Variants in COL4A1 observed in about 807,000 individuals in gnomAD.
COL4A1 encodes the protein collagen alpha-1(IV) chain.
Under a neutral mutation model 216.6 loss-of-function variants are expected in COL4A1, and 40 were observed. That is an observed-to-expected ratio of 0.18 (90% CI 0.14 to 0.24). The LOEUF (loss-of-function observed/expected upper bound fraction) is 0.24. COL4A1 is among the 10% of genes least tolerant of loss of function. The pLI is 1.00. For synonymous variants in COL4A1, 839 were observed against 810.7 expected (o/e 1.03, Z -0.59); for missense variants, 1,628 against 2,196.8 (o/e 0.74, Z 5.18).
intron 31 of COL4A1, 80 bp from the exon 32 acceptor site, chr13:110,178,311 G>C: frequency 3.2e-6 from 5 of 1,580,736 alleles, no homozygotes; most frequent in Non-Finnish European, 4.3e-6. Context: ...GTTTAACTAT[G>C]ACTTTCTGCA....
At chr13:110,197,589 T>C (rs1227658783) in intron 21 of COL4A1, among the ~76,000 whole-genome samples, 1 of 152,198 alleles carries the variant, frequency 6.6e-6, no homozygotes, top group Non-Finnish European at 1.5e-5. Flanking sequence ...ACATGATCTG[T>C]TCTTTCTCCT....
chr13:110,218,726 G>T (rs1340183740), intron 2 of COL4A1, among the ~76,000 whole-genome samples: 1 of 152,194 alleles, frequency 6.6e-6, no homozygotes, highest in Admixed American at 6.5e-5. Context: ...TTCCAGACTG[G>T]CTGGAGTCCG....
In COL4A1 at chr13:110,208,416, A is replaced by G. The variant is rs537081681; in HGVS notation, c.693+433T>C. On this transcript the variant is annotated intron_variant, in intron 12 of 51. Coordinates refer to ENST00000375820, the MANE Select transcript of COL4A1 (RefSeq NM_001845.6). ...GGCCCTGGACATGCCCGCCTCTGAGAAGAGAGGCCGGTGGTGAGGGGCCGC... is the reference window on the plus strand; with the variant it reads ...GGCCCTGGACATGCCCGCCTCTGAGGAGAGAGGCCGGTGGTGAGGGGCCGC... Among the ~76,000 whole-genome samples, 287 of 152,242 alleles carry G rather than the reference A, an allele frequency of 1.9e-3. 2 individuals are homozygous for G. Among genetic ancestry groups the G allele is most frequent in the Admixed American group, 0.017 (261 of 15,290 alleles).
intron 1 of COL4A1, among the ~76,000 whole-genome samples, chr13:110,258,353 T>C (rs778752208): frequency 6.6e-6 from 1 of 151,978 alleles, no homozygotes; most frequent in Non-Finnish European, 1.5e-5. Flanking sequence ...GCCTGGCCAA[T>C]ATGGTAAAAT....
At chr13:110,233,544 G>A (rs933755269) in intron 2 of COL4A1, among the ~76,000 whole-genome samples, 6 of 152,154 alleles carry the variant, frequency 3.9e-5, no homozygotes, top group Non-Finnish European at 8.8e-5. Flanking sequence ...AAGGCTGGCC[G>A]ATGGGAGGGA....
At position 110,288,905 on chromosome 13, in the gene COL4A1, G is replaced by A. The variant is rs1009260787; in HGVS notation, c.84+18039C>T. On this transcript the variant is annotated intron_variant, in intron 1 of 51. Coordinates refer to ENST00000375820, the MANE Select transcript of COL4A1 (RefSeq NM_001845.6). ...AAATTAGCTGGGTGTGGTGGCGCAC[G>A]CCTGTAATCCCAGCTACTCAGGAGG... Among the ~76,000 whole-genome samples, 9 of 152,290 alleles carry A rather than the reference G, an allele frequency of 5.9e-5. No homozygotes were observed. The South Asian group carries it at 1.0e-3, about 18-fold the overall frequency.
chr13:110,276,168 G>A (rs1883420995), intron 1 of COL4A1, among the ~76,000 whole-genome samples: 1 of 152,102 alleles, frequency 6.6e-6, no homozygotes, highest in Non-Finnish European at 1.5e-5. Flanking sequence ...CCGAGAAGAG[G>A]TACGTGGGAA....
At chr13:110,166,538 TA>T (rs1877346695) in intron 44 of COL4A1, among the ~76,000 whole-genome samples, 1 of 152,192 alleles carries the variant, frequency 6.6e-6, no homozygotes, top group Admixed American at 6.5e-5. Flanking sequence ...TATACACATA[TA>T]TGCACACATA....
intron 1 of COL4A1, among the ~76,000 whole-genome samples, chr13:110,259,381 GT>G (rs1305909583): frequency 6.6e-6 from 1 of 152,126 alleles, no homozygotes; most frequent in African/African-American, 2.4e-5. Flanking sequence ...CAAACTGAAA[GT>G]ATTTCATTAA....
chr13:110,259,064 C>T (rs918780560), intron 1 of COL4A1, among the ~76,000 whole-genome samples: 4 of 152,234 alleles, frequency 2.6e-5, no homozygotes, highest in African/African-American at 9.6e-5. Context: ...TGGAGTGAGG[C>T]CCTTGGCTTC....
At chr13:110,158,741 T>C (rs1876917349) in intron 49 of COL4A1, among the ~76,000 whole-genome samples, 1 of 22,046 alleles carries the variant, frequency 4.5e-5, no homozygotes, top group Non-Finnish European at 1.8e-4. Context: ...GAAATAAACT[T>C]TTTTTTTTTT....
At chr13:110,256,041 G>A (rs1882548263) in intron 1 of COL4A1, among the ~76,000 whole-genome samples, 1 of 152,074 alleles carries the variant, frequency 6.6e-6, no homozygotes, top group Non-Finnish European at 1.5e-5. Context: ...AATTTTATGT[G>A]AAGATTTTTA....
intron 44 of COL4A1, 141 bp downstream of exon 44, chr13:110,167,017 G>T: frequency 1.3e-6 from 1 of 777,450 alleles, no homozygotes; most frequent in Non-Finnish European, 2.3e-6. Flanking sequence ...ACACAGAAAT[G>T]CCATTTTTAA....
intron 2 of COL4A1, among the ~76,000 whole-genome samples, chr13:110,224,537 G>A (rs1880649383): frequency 6.6e-6 from 1 of 152,152 alleles, no homozygotes; most frequent in African/African-American, 2.4e-5. Context: ...TGGTCAGGCT[G>A]GTCTTGAACT....
intron 2 of COL4A1, among the ~76,000 whole-genome samples, chr13:110,235,584 G>A (rs906201464): frequency 7.3e-5 from 11 of 151,678 alleles, no homozygotes; most frequent in African/African-American, 1.9e-4. Context: ...CAGTGAACCC[G>A]GGAGGTGGAG....
rs866007873 is a variant in COL4A1 at position 110,179,318 on chromosome 13, G to C, written c.2297C>G (p.Pro766Arg). 1.9e-6 allele frequency: 3 copies of C among 1,613,964 alleles called. No individual in the cohort carries two copies. Among genetic ancestry groups the C allele is most frequent in the Non-Finnish European group, 2.5e-6 (3 of 1,180,036 alleles). Residue 766 changes from proline to arginine, a missense_variant, in exon 30 of 52, where the codon CCT becomes CGT. This residue lies in a region of COL4A1 where 701 missense variants were observed against 892.5 expected (regional missense o/e 0.79). Transcript: ENST00000375820. ...EKGSIGVPGV[P>R]GEHGAIGPPG... ...GGGTCCGATCGCTCCATGTTCTCCA[G>C]GAACGCCTGGTACCCCAATGCTCCC... is the stretch of plus-strand genomic sequence containing the variant.
At position 110,205,586 on chromosome 13, in the gene COL4A1, C is replaced by T. The variant is rs374961297; in HGVS notation, c.859-48G>A. On this transcript the variant is annotated intron_variant, in intron 15 of 51. Transcript: ENST00000375820. ...TTAGTATTTAATAAATAATAGACTG[C>T]GCGCGGTGGCTCATGCCTGTAATCC... The T allele has an allele frequency of 2.5e-4, 394 of 1,599,226 alleles. 3 individuals are homozygous for T. Among genetic ancestry groups the T allele is most frequent in the African/African-American group, 8.5e-4 (63 of 74,384 alleles).
At chr13:110,198,695 C>T (rs1182925707) in intron 20 of COL4A1, 64 bp from the exon 21 acceptor site, 5 of 1,593,322 alleles carry the variant, frequency 3.1e-6, no homozygotes, top group Non-Finnish European at 8.6e-7. Flanking sequence ...AGCATAAACT[C>T]ATTCTCCTAA....
chr13:110,209,967 C>G lies in COL4A1; in HGVS notation c.615+13G>C. 1 of 1,614,040 alleles carries G rather than the reference C, an allele frequency of 6.2e-7. No homozygotes were observed. The highest frequency in any genetic ancestry group is 8.5e-7 in the Non-Finnish European group (1 of 1,179,928). ...TAAATGATTGCCTCGGAGAGACAGC[C>G]CCCAAAACTTACTGGTGGTCCGGTA... On this transcript the variant is annotated intron_variant, in intron 10 of 51. Transcript: ENST00000375820.
Sources: allele counts gnomAD v4.1 joint callset (sites outside exome capture counted in the v4.1 genomes callset), GRCh38; gene constraint gnomAD v4.1.1; regional missense constraint gnomAD v4.1.1; transcripts MANE v1.5; gene names NCBI Gene and HGNC (gene_info 2026-07-23, HGNC 2026-07-21).